The following VPS13B variants were observed in gnomAD, a reference collection of about 807,000 sequenced individuals.
The protein encoded by VPS13B is vacuolar protein sorting 13 homolog B.
A neutral mutation model predicts 426.4 loss-of-function variants in VPS13B; 285 were observed. The ratio of observed to expected loss-of-function variants is 0.67; its 90% CI spans 0.61 to 0.74. The LOEUF is 0.74. Ranked by LOEUF, VPS13B falls within the 30% of genes least tolerant of loss-of-function variation. VPS13B has a pLI of 0.00. For missense variants in VPS13B, 4,537 were observed against 4,782.6 expected (o/e 0.95, Z 1.51); for synonymous variants, 1,676 against 1,676.4 (o/e 1.00, Z 0.01).
chr8:99,301,550 A>T (rs546723199), intron 19 of VPS13B, among the ~76,000 whole-genome samples: 13 of 151,838 alleles, frequency 8.6e-5, no homozygotes, highest in Non-Finnish European at 1.8e-4. Context: ...TCGGCCTCCC[A>T]AAGTGCTGGG....
At chr8:99,023,167 C>T (rs565214457) in intron 2 of VPS13B, among the ~76,000 whole-genome samples, 3 of 151,232 alleles carry the variant, frequency 2.0e-5, no homozygotes, top group East Asian at 3.9e-4. Context: ...CCTGCTTGCC[C>T]CTCCCACCCC....
chr8:99,323,365 T>C (rs1049517467), intron 19 of VPS13B, among the ~76,000 whole-genome samples: 2 of 152,208 alleles, frequency 1.3e-5, no homozygotes, highest in Admixed American at 6.5e-5. Flanking sequence ...CTAACAATTA[T>C]TGAACAATAT....
chr8:99,039,825 C>T (rs1398417830), intron 3 of VPS13B, among the ~76,000 whole-genome samples: 1 of 151,836 alleles, frequency 6.6e-6, no homozygotes, highest in Non-Finnish European at 1.5e-5. Context: ...ACGTATTATC[C>T]AATTTAACTT....
At chr8:99,240,459 G>C (rs1423981308) in intron 17 of VPS13B, among the ~76,000 whole-genome samples, 1 of 152,126 alleles carries the variant, frequency 6.6e-6, no homozygotes, top group Non-Finnish European at 1.5e-5. Context: ...AGCTCAATTA[G>C]CTTGAAATGG....
chr8:99,467,785 C>T, intron 24 of VPS13B, 151 bp downstream of exon 24: 1 of 790,644 alleles, frequency 1.3e-6, no homozygotes, highest in Non-Finnish European at 2.1e-6. Context: ...TTAAGAATTG[C>T]TTTGAAGCTC....
intron 2 of VPS13B, among the ~76,000 whole-genome samples, chr8:99,015,652 C>T (rs1351237903): frequency 6.6e-6 from 1 of 151,800 alleles, no homozygotes; most frequent in South Asian, 2.1e-4. Flanking sequence ...GCCTGTAACC[C>T]CAGCACTTTG....
At chr8:99,457,801 A>C (rs554062386) in intron 23 of VPS13B, among the ~76,000 whole-genome samples, 2 of 152,136 alleles carry the variant, frequency 1.3e-5, no homozygotes, top group African/African-American at 4.8e-5. Context: ...TATTTTCTTT[A>C]AAGTGTTCTG....
intron 19 of VPS13B, among the ~76,000 whole-genome samples, chr8:99,343,794 A>G (rs1811380116): frequency 6.6e-6 from 1 of 152,218 alleles, no homozygotes; most frequent in African/African-American, 2.4e-5. Flanking sequence ...TCTGAAGACT[A>G]TAGAACACTG....
intron 25 of VPS13B, among the ~76,000 whole-genome samples, chr8:99,496,447 C>A (rs573748296): frequency 6.6e-6 from 1 of 151,976 alleles, no homozygotes; most frequent in African/African-American, 2.4e-5. Flanking sequence ...GTCAGGAGAT[C>A]GAGACCATCC....
chr8:99,429,251 GCACATGTA>G (rs1488763339), intron 21 of VPS13B, among the ~76,000 whole-genome samples: 1 of 148,962 alleles, frequency 6.7e-6, no homozygotes, highest in African/African-American at 2.5e-5. Context: ...TGCACGTTGT[GCACATGTA>G]CCCTAAAACT....
intron 19 of VPS13B, among the ~76,000 whole-genome samples, chr8:99,321,218 T>C (rs1190792118): frequency 1.4e-5 from 2 of 147,326 alleles, no homozygotes; most frequent in Non-Finnish European, 3.0e-5. Context: ...TTCTTTTTTT[T>C]TTTTTTTTTT....
intron 19 of VPS13B, among the ~76,000 whole-genome samples, chr8:99,331,010 A>G (rs1227732216): frequency 1.3e-5 from 2 of 151,820 alleles, no homozygotes; most frequent in Non-Finnish European, 2.9e-5. Context: ...TCTCATATAC[A>G]TTAAAATGCT....
intron 32 of VPS13B, among the ~76,000 whole-genome samples, chr8:99,576,760 G>A (rs907504193): frequency 6.6e-6 from 1 of 152,034 alleles, no homozygotes; most frequent in Non-Finnish European, 1.5e-5. Flanking sequence ...TTGTCTGAAC[G>A]GTTTTCCAGT....
At chr8:99,154,607 A>G (rs1209699835) in intron 14 of VPS13B, among the ~76,000 whole-genome samples, 1 of 152,202 alleles carries the variant, frequency 6.6e-6, no homozygotes, top group Admixed American at 6.5e-5. Flanking sequence ...CAGAAAGCAA[A>G]GTATAAATTT....
intron 39 of VPS13B, among the ~76,000 whole-genome samples, chr8:99,760,778 A>G (rs1351479258): frequency 1.3e-5 from 2 of 152,210 alleles, no homozygotes; most frequent in African/African-American, 2.4e-5. Context: ...TCAAGAAAAG[A>G]AAATTGTGCT....
chr8:99,360,686 C>T (rs986404889), intron 19 of VPS13B, among the ~76,000 whole-genome samples: 7 of 152,096 alleles, frequency 4.6e-5, no homozygotes, highest in East Asian at 1.9e-4. Context: ...GGACATATAC[C>T]GGCTTGAGTA....
chr8:99,512,984 G>A (rs184678948), intron 29 of VPS13B, among the ~76,000 whole-genome samples: 11 of 150,896 alleles, frequency 7.3e-5, no homozygotes, highest in Admixed American at 4.0e-4. Flanking sequence ...ACTCCAGCTT[G>A]GGTGACAGAG....
At chr8:99,685,126 A>G (rs962765466) in intron 35 of VPS13B, among the ~76,000 whole-genome samples, 3 of 152,232 alleles carry the variant, frequency 2.0e-5, no homozygotes, top group African/African-American at 7.2e-5. Flanking sequence ...AAGATATATT[A>G]GATATTTTTC....
At chr8:99,761,124 T>G (rs1168899031) in intron 39 of VPS13B, among the ~76,000 whole-genome samples, 1 of 152,158 alleles carries the variant, frequency 6.6e-6, no homozygotes, top group East Asian at 1.9e-4. Context: ...TTAATAGGGG[T>G]TTCATTTGGT....
Sources: allele counts gnomAD v4.1 joint callset (sites outside exome capture counted in the v4.1 genomes callset), GRCh38; gene constraint gnomAD v4.1.1; transcripts MANE v1.5; gene names NCBI Gene and HGNC (gene_info 2026-07-23, HGNC 2026-07-21).